Variants in GPC3 observed in about 807,000 individuals in gnomAD.
GPC3 encodes the protein glypican-3.
GPC3 carries 3 observed loss-of-function variants against 34.4 expected under a neutral mutation model. The observed-to-expected ratio is 0.09, with a 90% CI of 0.04 to 0.23. GPC3 has a LOEUF of 0.23. Among genes scored for constraint, GPC3 ranks in the 10% least tolerant of loss-of-function variants. The pLI, the probability that GPC3 is intolerant of heterozygous loss-of-function variation, is 1.00. For missense variants in GPC3, 351 were observed against 445.6 expected, an observed-to-expected ratio of 0.79 and a Z score of 1.91; for synonymous variants, 177 against 174.0, an observed-to-expected ratio of 1.02 and a Z score of -0.13.
At chrX:133,875,805 T>A (rs933250) in intron 2 of GPC3, among the ~76,000 whole-genome samples, 1 of 111,264 alleles carries the variant, frequency 9.0e-6, no homozygotes, top group South Asian at 3.9e-4. Flanking sequence ...ATGGAACCCA[T>A]CAATCATCTG....
At chrX:133,746,053 T>G (rs1023196221) in intron 3 of GPC3, among the ~76,000 whole-genome samples, 4 of 112,266 alleles carry the variant, frequency 3.6e-5, no homozygotes, top group African/African-American at 1.3e-4. Context: ...TCAGCTCTCT[T>G]TGCCTTACCC....
At chrX:133,945,981 T>C (rs780952363) in intron 2 of GPC3, among the ~76,000 whole-genome samples, 2 of 111,251 alleles carry the variant, frequency 1.8e-5, no homozygotes, top group Non-Finnish European at 3.8e-5. Context: ...CTGCAAAGGT[T>C]TTTTCTTACA....
intron 1 of GPC3, among the ~76,000 whole-genome samples, chrX:133,983,304 A>C (rs1383115131): frequency 8.9e-6 from 1 of 112,661 alleles, no homozygotes; most frequent in Non-Finnish European, 1.9e-5. Flanking sequence ...TTTGTGAAAT[A>C]GTAGAGGAAA....
intron 7 of GPC3, among the ~76,000 whole-genome samples, chrX:133,562,504 G>A (rs149971132): frequency 7.2e-5 from 8 of 110,695 alleles, no homozygotes; most frequent in African/African-American, 2.6e-4. Context: ...AGTGGTGGGC[G>A]CCTGTAATCC....
At chrX:133,628,762 C>T (rs1004258227) in intron 6 of GPC3, among the ~76,000 whole-genome samples, 4 of 110,820 alleles carry the variant, frequency 3.6e-5, no homozygotes, top group Non-Finnish European at 3.8e-5. Context: ...AAAAATTTTA[C>T]GCAACCAACA....
At chrX:133,966,620 G>A (rs940263796) in intron 1 of GPC3, among the ~76,000 whole-genome samples, 1 of 112,148 alleles carries the variant, frequency 8.9e-6, no homozygotes, top group Non-Finnish European at 1.9e-5. Context: ...CAGTTGCCTT[G>A]TTAGTACAAC....
chrX:133,963,103 G>C (rs1287433730), intron 1 of GPC3, among the ~76,000 whole-genome samples: 1 of 112,417 alleles, frequency 8.9e-6, no homozygotes, highest in Non-Finnish European at 1.9e-5. Context: ...TTTTAGGAAC[G>C]CTTTGTCAAT....
chrX:133,662,490 C>T (rs1377189073), intron 5 of GPC3, among the ~76,000 whole-genome samples: 1 of 111,775 alleles, frequency 8.9e-6, no homozygotes, highest in African/African-American at 3.3e-5. Flanking sequence ...AGGCTTTACT[C>T]CAGAATTGAA....
chrX:133,692,617 T>A, intron 4 of GPC3, 123 bp from the exon 5 acceptor site: 7 of 590,402 alleles, frequency 1.2e-5, no homozygotes, highest in South Asian at 8.2e-5. Flanking sequence ...AAATGACTTT[T>A]AAAGACATTC....
chrX:133,755,099 C>T (rs772182635), intron 2 of GPC3, among the ~76,000 whole-genome samples: 21 of 111,916 alleles, frequency 1.9e-4, no homozygotes, highest in Admixed American at 3.8e-4. Context: ...TAATCAGAGT[C>T]TACATTTACA....
At chrX:133,802,275 G>A (rs2075613540) in intron 2 of GPC3, among the ~76,000 whole-genome samples, 1 of 111,290 alleles carries the variant, frequency 9.0e-6, no homozygotes, top group African/African-American at 3.3e-5. Context: ...ACTGTAGTTT[G>A]TATGCACATT....
intron 2 of GPC3, among the ~76,000 whole-genome samples, chrX:133,913,269 T>C (rs1453839395): frequency 9.0e-6 from 1 of 110,838 alleles, no homozygotes; most frequent in African/African-American, 3.3e-5. Flanking sequence ...CTCAGAAAGG[T>C]AGGAGGAGAG....
chrX:133,884,135 A>T (rs1179990431), intron 2 of GPC3, among the ~76,000 whole-genome samples: 1 of 111,801 alleles, frequency 8.9e-6, no homozygotes, highest in African/African-American at 3.2e-5. Flanking sequence ...TCTAAGGGTG[A>T]TCATCTAAAG....
intron 2 of GPC3, among the ~76,000 whole-genome samples, chrX:133,777,995 T>C (rs1351782938): frequency 1.8e-5 from 2 of 112,336 alleles, no homozygotes; most frequent in Non-Finnish European, 3.8e-5. Flanking sequence ...TAAGAACAAG[T>C]TATAAAGTCA....
intron 2 of GPC3, among the ~76,000 whole-genome samples, chrX:133,851,522 T>C (rs1459592271): frequency 9.0e-6 from 1 of 111,730 alleles, no homozygotes; most frequent in African/African-American, 3.2e-5. Context: ...TATTTAAAAA[T>C]CTATCCCCTC....
chrX:133,732,407 G>T (rs1213829073), intron 3 of GPC3, among the ~76,000 whole-genome samples: 3 of 111,647 alleles, frequency 2.7e-5, no homozygotes, highest in Non-Finnish European at 5.6e-5. Context: ...CAGAGGTCTA[G>T]GTTAGTTCGT....
chrX:133,939,390 A>G (rs781584887), intron 2 of GPC3, among the ~76,000 whole-genome samples: 37 of 112,022 alleles, frequency 3.3e-4, no homozygotes, highest in Middle Eastern at 4.6e-3. Flanking sequence ...TTACATGTCT[A>G]GTATAGTGTA....
At chrX:133,657,886 G>A (rs1432616498) in intron 6 of GPC3, among the ~76,000 whole-genome samples, 3 of 101,162 alleles carry the variant, frequency 3.0e-5, no homozygotes, top group African/African-American at 1.2e-4. Context: ...GGACGCACAT[G>A]GGGCATACAT....
At chrX:133,812,611 T>G (rs1329494554) in intron 2 of GPC3, among the ~76,000 whole-genome samples, 1 of 112,090 alleles carries the variant, frequency 8.9e-6, no homozygotes, top group Non-Finnish European at 1.9e-5. Context: ...CCTGACAGTT[T>G]AATCTCCAAC....
Sources: gnomAD v4.1 joint callset for allele counts (sites outside exome capture counted in the v4.1 genomes callset) on GRCh38, gnomAD v4.1.1 for gene constraint, MANE v1.5 for transcripts, NCBI Gene and HGNC (gene_info 2026-07-23, HGNC 2026-07-21) for gene names.